The following ZNF385D variants were observed in gnomAD, a reference collection of about 807,000 sequenced individuals.
ZNF385D encodes zinc finger protein 385D.
A neutral mutation model predicts 35.8 loss-of-function variants in ZNF385D; 15 were observed. That is an observed-to-expected ratio of 0.42 (90% CI 0.28 to 0.64). ZNF385D has a LOEUF of 0.64. Ranked by LOEUF, ZNF385D falls within the 30% of genes least tolerant of loss-of-function variation. ZNF385D has a pLI of 0.23. For synonymous variants in ZNF385D, 212 were observed against 186.8 expected (o/e 1.13, Z -1.10); for missense variants, 474 against 494.6 (o/e 0.96, Z 0.39).
At chr3:21,672,044 G>C (rs1418070111) in intron 1 of ZNF385D, among the ~76,000 whole-genome samples, 2 of 151,964 alleles carry the variant, frequency 1.3e-5, no homozygotes, top group African/African-American at 4.8e-5. Flanking sequence ...TTGTTGGTTG[G>C]GGATAACAAT....
At chr3:21,921,966 G>A (rs1700485878) in intron 3 of ZNF385D, among the ~76,000 whole-genome samples, 1 of 152,042 alleles carries the variant, frequency 6.6e-6, no homozygotes, top group South Asian at 2.1e-4. Context: ...AAAAAATTGA[G>A]GAGGAAGCAC....
chr3:21,428,999 G>A (rs926012064), intron 5 of ZNF385D, among the ~76,000 whole-genome samples: 4 of 143,398 alleles, frequency 2.8e-5, no homozygotes, highest in Non-Finnish European at 4.5e-5. Flanking sequence ...TACATATTAC[G>A]CTTAAAATCA....
At chr3:21,902,015 C>T (rs1334842155) in intron 3 of ZNF385D, among the ~76,000 whole-genome samples, 2 of 152,052 alleles carry the variant, frequency 1.3e-5, no homozygotes, top group Non-Finnish European at 2.9e-5. Context: ...TTCTTTATTC[C>T]CTTTGGTCTC....
At chr3:21,743,076 A>G (rs1170600879) in intron 1 of ZNF385D, among the ~76,000 whole-genome samples, 2 of 152,198 alleles carry the variant, frequency 1.3e-5, no homozygotes, top group African/African-American at 4.8e-5. Flanking sequence ...ACAAAGAAAC[A>G]AAACTTTACA....
Position 21,437,184 on chromosome 3 carries a change from TG to T in ZNF385D, c.458del (p.Pro153GlnfsTer17). 1 of 1,613,720 alleles carries T rather than the reference TG, an allele frequency of 6.2e-7. No individual in the cohort carries two copies. The highest frequency in any genetic ancestry group is 8.5e-7 in the Non-Finnish European group (1 of 1,179,772). On this transcript the variant is annotated frameshift_variant, in exon 5 of 8. Coordinates refer to ENST00000281523, the MANE Select transcript of ZNF385D (RefSeq NM_024697.3). LOFTEE classifies it high-confidence loss of function. Reference protein sequence around the residue: ...SDKTDGTAGTPAISTTTTVEI... With the variant: ...SDKTDGTAGTXAISTTTTVEI... ...CCACAGTTGTCGTCGTTGATATTGC[TG>T]GTGTCCCTGCAGTACCGTCTGTATT... is the stretch of plus-strand genomic sequence containing the variant.
intron 3 of ZNF385D, among the ~76,000 whole-genome samples, chr3:22,136,103 G>A (rs952147836): frequency 6.6e-6 from 1 of 152,306 alleles, no homozygotes; most frequent in East Asian, 1.9e-4. Flanking sequence ...CGTATAAGAG[G>A]CCAGGCGTGG....
intron 3 of ZNF385D, among the ~76,000 whole-genome samples, chr3:22,043,653 G>A (rs913074090): frequency 6.6e-6 from 1 of 151,644 alleles, no homozygotes; most frequent in African/African-American, 2.4e-5. Context: ...GGTAACTTCC[G>A]AGATGCCCCA....
At chr3:21,572,676 G>T (rs1401175249) in intron 2 of ZNF385D, among the ~76,000 whole-genome samples, 4 of 152,112 alleles carry the variant, frequency 2.6e-5, no homozygotes, top group African/African-American at 9.7e-5. Flanking sequence ...CCTGTATTTT[G>T]TTATAGGAAT....
chr3:21,945,189 G>C (rs528969259), intron 3 of ZNF385D, among the ~76,000 whole-genome samples: 1 of 118,592 alleles, frequency 8.4e-6, no homozygotes, highest in Admixed American at 9.7e-5. Flanking sequence ...GAGAGAGAGA[G>C]ACAGATTGAG....
intron 3 of ZNF385D, among the ~76,000 whole-genome samples, chr3:22,081,066 A>C (rs1480176214): frequency 6.6e-6 from 1 of 152,146 alleles, no homozygotes; most frequent in Admixed American, 6.5e-5. Flanking sequence ...AGATATCTCC[A>C]ACTAAATTAT....
At chr3:22,259,209 T>C (rs1700480341) in intron 2 of ZNF385D, among the ~76,000 whole-genome samples, 1 of 151,862 alleles carries the variant, frequency 6.6e-6, no homozygotes, top group Non-Finnish European at 1.5e-5. Context: ...TATATTTCAT[T>C]ATATATATAA....
chr3:22,351,140 A>T (rs1373345016), intron 2 of ZNF385D, among the ~76,000 whole-genome samples: 1 of 152,132 alleles, frequency 6.6e-6, no homozygotes, highest in Non-Finnish European at 1.5e-5. Flanking sequence ...TTAAAAAAGC[A>T]ATTAGCCTGA....
chr3:22,287,666 G>C (rs921311678), intron 2 of ZNF385D, among the ~76,000 whole-genome samples: 2 of 151,806 alleles, frequency 1.3e-5, no homozygotes, highest in Non-Finnish European at 2.9e-5. Flanking sequence ...AGCATTTTAG[G>C]TTTTTGATGA....
At chr3:21,897,531 T>C (rs1309493995) in intron 3 of ZNF385D, among the ~76,000 whole-genome samples, 1 of 152,158 alleles carries the variant, frequency 6.6e-6, no homozygotes, top group Non-Finnish European at 1.5e-5. Flanking sequence ...TACTATTTTA[T>C]ATAGGGTGTG....
intron 2 of ZNF385D, among the ~76,000 whole-genome samples, chr3:21,662,870 G>A (rs2066280969): frequency 6.6e-6 from 1 of 152,206 alleles, no homozygotes; most frequent in African/African-American, 2.4e-5. Flanking sequence ...TTATGAGCAT[G>A]CTGCTTATCA....
At chr3:21,529,559 C>A (rs968106440) in intron 3 of ZNF385D, among the ~76,000 whole-genome samples, 1 of 151,764 alleles carries the variant, frequency 6.6e-6, no homozygotes, top group Non-Finnish European at 1.5e-5. Context: ...TATTTTTTTT[C>A]CATCTTACGT....
chr3:22,087,298 A>G (rs970932235), intron 3 of ZNF385D, among the ~76,000 whole-genome samples: 1 of 151,900 alleles, frequency 6.6e-6, no homozygotes, highest in Admixed American at 6.6e-5. Context: ...ACCCATATCC[A>G]TTTCCTCTAA....
rs191151961 is a variant in ZNF385D at position 21,843,331 on chromosome 3, A to G, written c.326-178303T>C. Reference sequence around the variant, plus strand: ...TGGGGGACTTATCATCGGCCTAGTCAAGAAGGTCACCAATGTGACATTAGT... The same window carrying G: ...TGGGGGACTTATCATCGGCCTAGTCGAGAAGGTCACCAATGTGACATTAGT... On this transcript the variant is annotated intron_variant, in intron 3 of 5. Transcript: ENST00000494108. Among the ~76,000 whole-genome samples, 183 of 152,112 alleles carry G rather than the reference A, an allele frequency of 1.2e-3. 2 individuals carry two copies. In the East Asian group the frequency reaches 0.031, roughly 26 times the overall value.
chr3:22,153,311 C>A (rs994814058), intron 3 of ZNF385D, among the ~76,000 whole-genome samples: 2 of 152,026 alleles, frequency 1.3e-5, no homozygotes, highest in Non-Finnish European at 2.9e-5. Flanking sequence ...GCTGAGTGGT[C>A]TCACCAGTGG....
Sources: gnomAD v4.1 joint callset for allele counts (sites outside exome capture counted in the v4.1 genomes callset) on GRCh38, gnomAD v4.1.1 for gene constraint, MANE v1.5 for transcripts, NCBI Gene and HGNC (gene_info 2026-07-23, HGNC 2026-07-21) for gene names.